Variants in GPM6A observed in about 807,000 individuals in gnomAD.
GPM6A encodes the protein neuronal membrane glycoprotein M6-a.
Under a neutral mutation model 32.1 loss-of-function variants are expected in GPM6A, and 7 were observed. The ratio of observed to expected loss-of-function variants is 0.22; its 90% CI spans 0.12 to 0.41. GPM6A has a LOEUF of 0.41. Among genes scored for constraint, GPM6A ranks in the 10% least tolerant of loss-of-function variants. The pLI, the probability that GPM6A is intolerant of heterozygous loss-of-function variation, is 1.00. For missense variants in GPM6A, 235 were observed against 347.2 expected (o/e 0.68, Z 2.57); for synonymous variants, 130 against 123.4 (o/e 1.05, Z -0.35).
chr4:175,729,522 T>C (rs1245531676), intron 1 of GPM6A, among the ~76,000 whole-genome samples: 6 of 152,110 alleles, frequency 3.9e-5, no homozygotes. Flanking sequence ...TAAGAACTAG[T>C]ATTTGCTAGC....
chr4:175,916,027 C>A (rs1466052786), intron 1 of GPM6A, among the ~76,000 whole-genome samples: 2 of 152,188 alleles, frequency 1.3e-5, no homozygotes, highest in East Asian at 1.9e-4. Flanking sequence ...TCTCACTCAG[C>A]CTGTTTTTAT....
chr4:175,663,119 T>C (rs1177152252), intron 3 of GPM6A, among the ~76,000 whole-genome samples: 2 of 152,170 alleles, frequency 1.3e-5, no homozygotes, highest in Non-Finnish European at 2.9e-5. Flanking sequence ...GAATGCAAAA[T>C]GGTACAGCAG....
chr4:175,668,727 C>A (rs1742889706), intron 3 of GPM6A, among the ~76,000 whole-genome samples: 1 of 152,032 alleles, frequency 6.6e-6, no homozygotes, highest in Non-Finnish European at 1.5e-5. Flanking sequence ...TGAAAAGAGA[C>A]AATTCGTTAT....
intron 6 of GPM6A, among the ~76,000 whole-genome samples, chr4:175,636,285 T>TATATATATATAC (rs1740599400): frequency 2.2e-5 from 3 of 138,418 alleles, no homozygotes; most frequent in African/African-American, 7.9e-5. Flanking sequence ...TATATATATA[T>TATATATATATAC]ATATATATAT....
At chr4:175,705,430 G>T (rs570046584) in intron 1 of GPM6A, among the ~76,000 whole-genome samples, 1 of 152,060 alleles carries the variant, frequency 6.6e-6, no homozygotes, top group African/African-American at 2.4e-5. Flanking sequence ...CACACATTTC[G>T]CACTTGTAAC....
At chr4:175,758,370 T>C (rs1301416502) in intron 1 of GPM6A, among the ~76,000 whole-genome samples, 1 of 152,166 alleles carries the variant, frequency 6.6e-6, no homozygotes, top group Non-Finnish European at 1.5e-5. Flanking sequence ...CGAAAATGGA[T>C]AACAACTTTT....
intron 1 of GPM6A, among the ~76,000 whole-genome samples, chr4:175,762,997 A>G (rs1732810992): frequency 1.3e-5 from 2 of 152,182 alleles, no homozygotes; most frequent in African/African-American, 4.8e-5. Flanking sequence ...GATTGTGGTA[A>G]TGGTTTCACA....
intron 2 of GPM6A, among the ~76,000 whole-genome samples, chr4:175,682,103 C>T (rs994116876): frequency 6.6e-6 from 1 of 151,700 alleles, no homozygotes; most frequent in African/African-American, 2.4e-5. Flanking sequence ...AAATGAGAAA[C>T]TTATAGGGCA....
At chr4:175,756,939 G>C (rs766500470) in intron 1 of GPM6A, among the ~76,000 whole-genome samples, 51 of 152,052 alleles carry the variant, frequency 3.4e-4, no homozygotes, top group Non-Finnish European at 6.6e-4. Flanking sequence ...GAGGAGCTAG[G>C]TAATGAAGGC....
intron 6 of GPM6A, among the ~76,000 whole-genome samples, chr4:175,635,753 G>A (rs990707027): frequency 1.3e-4 from 20 of 152,110 alleles, no homozygotes; most frequent in East Asian, 1.9e-4. Context: ...CAATGAGACC[G>A]CTTATTTGTT....
chr4:175,874,333 A>ATGTAATGC (rs1737012324), intron 1 of GPM6A, among the ~76,000 whole-genome samples: 1 of 152,234 alleles, frequency 6.6e-6, no homozygotes, highest in Admixed American at 6.5e-5. Flanking sequence ...TAAAAATTGA[A>ATGTAATGC]TGTAATGCTG....
intron 1 of GPM6A, among the ~76,000 whole-genome samples, chr4:175,950,015 C>T (rs910588425): frequency 4.6e-5 from 7 of 152,056 alleles, no homozygotes; most frequent in African/African-American, 1.7e-4. Flanking sequence ...GGATCACAAA[C>T]ATTTTTGTAA....
chr4:175,688,268 A>G (rs1463114064), intron 2 of GPM6A, among the ~76,000 whole-genome samples: 1 of 152,188 alleles, frequency 6.6e-6, no homozygotes, highest in African/African-American at 2.4e-5. Context: ...CCAAGAAATC[A>G]TCACCAAGAT....
intron 1 of GPM6A, among the ~76,000 whole-genome samples, chr4:175,773,790 C>A (rs2111237730): frequency 6.6e-6 from 1 of 152,260 alleles, no homozygotes; most frequent in African/African-American, 2.4e-5. Flanking sequence ...CTATAGGCAT[C>A]TCCAGACAAA....
At chr4:175,667,300 C>T (rs1448700796) in intron 3 of GPM6A, among the ~76,000 whole-genome samples, 1 of 152,110 alleles carries the variant, frequency 6.6e-6, no homozygotes, top group Non-Finnish European at 1.5e-5. Context: ...TAACCTTCCT[C>T]CTCATAACTC....
At chr4:175,735,743 G>T (rs532607133) in intron 1 of GPM6A, among the ~76,000 whole-genome samples, 1 of 152,022 alleles carries the variant, frequency 6.6e-6, no homozygotes. Flanking sequence ...TGTATTTTTA[G>T]TGGAGACTGG....
At chr4:175,652,286 A>AT (rs911871746) in intron 3 of GPM6A, among the ~76,000 whole-genome samples, 3 of 152,094 alleles carry the variant, frequency 2.0e-5, no homozygotes, top group African/African-American at 4.8e-5. Context: ...CTCACCACAG[A>AT]TTTTTTTTAA....
intron 1 of GPM6A, among the ~76,000 whole-genome samples, chr4:175,792,154 C>G (rs1034465091): frequency 6.6e-6 from 1 of 152,046 alleles, no homozygotes; most frequent in Non-Finnish European, 1.5e-5. Flanking sequence ...CTTTAATTTC[C>G]AACTCATATG....
At chr4:175,826,494 G>A (rs1373249226) in intron 1 of GPM6A, among the ~76,000 whole-genome samples, 2 of 152,132 alleles carry the variant, frequency 1.3e-5, no homozygotes, top group East Asian at 1.9e-4. Flanking sequence ...TAGTAGTTTC[G>A]ACATTAGGTT....
Sources: gnomAD v4.1 joint callset for allele counts (sites outside exome capture counted in the v4.1 genomes callset) on GRCh38, gnomAD v4.1.1 for gene constraint, MANE v1.5 for transcripts, NCBI Gene and HGNC (gene_info 2026-07-23, HGNC 2026-07-21) for gene names.